Variants in SNX24 observed in about 807,000 individuals in gnomAD.
SNX24 encodes sorting nexin-24.
In SNX24, 22 loss-of-function variants were observed where a neutral mutation model predicts 28.7. That is an observed-to-expected ratio of 0.77 (90% CI 0.55 to 1.10). The LOEUF (loss-of-function observed/expected upper bound fraction) is 1.10. Among genes scored for constraint, SNX24 ranks in the 50% least tolerant of loss-of-function variants. The pLI is 0.00. For synonymous variants in SNX24, 69 were observed against 71.5 expected (o/e 0.96, Z 0.18); for missense variants, 221 against 201.1 (o/e 1.10, Z -0.60).
intron 3 of SNX24, among the ~76,000 whole-genome samples, chr5:122,975,473 T>C (rs1325343115): frequency 2.6e-5 from 4 of 152,178 alleles, no homozygotes; most frequent in Non-Finnish European, 5.9e-5. Flanking sequence ...TTCTCTACAT[T>C]GATAGGGATA....
intron 1 of SNX24, among the ~76,000 whole-genome samples, chr5:122,914,196 A>G (rs1758057943): frequency 1.3e-5 from 2 of 152,210 alleles, no homozygotes; most frequent in Admixed American, 6.5e-5. Flanking sequence ...CTGGATATAC[A>G]TTTATTGATT....
At chr5:122,928,948 A>G (rs1030172941) in intron 1 of SNX24, among the ~76,000 whole-genome samples, 4 of 151,402 alleles carry the variant, frequency 2.6e-5, no homozygotes, top group Admixed American at 6.6e-5. Context: ...TCTCTGTCCT[A>G]TTACCCTGGT....
intron 1 of SNX24, among the ~76,000 whole-genome samples, chr5:122,935,807 T>A (rs903152548): frequency 1.2e-4 from 18 of 152,212 alleles, no homozygotes; most frequent in African/African-American, 4.1e-4. Context: ...TCTCTACAGT[T>A]TTGTATTTTT....
At chr5:122,865,498 T>G (rs1384438657) in intron 1 of SNX24, among the ~76,000 whole-genome samples, 1 of 152,122 alleles carries the variant, frequency 6.6e-6, no homozygotes, top group African/African-American at 2.4e-5. Context: ...GCCCGGCTAA[T>G]TTTTGTATTT....
intron 1 of SNX24, among the ~76,000 whole-genome samples, chr5:122,872,212 T>A (rs1756011114): frequency 1.3e-5 from 2 of 151,568 alleles, no homozygotes; most frequent in Non-Finnish European, 1.5e-5. Flanking sequence ...AAAAGATCCC[T>A]GCAGCGCTTT....
intron 1 of SNX24, among the ~76,000 whole-genome samples, chr5:122,900,344 T>G (rs1561567483): frequency 6.6e-6 from 1 of 152,224 alleles, no homozygotes; most frequent in Non-Finnish European, 1.5e-5. Flanking sequence ...AGCAGCAATT[T>G]TTAAAATGTG....
chr5:122,852,913 A>G (rs551322449), intron 1 of SNX24, among the ~76,000 whole-genome samples: 1 of 152,174 alleles, frequency 6.6e-6, no homozygotes, highest in African/African-American at 2.4e-5. Context: ...CAGTGGGAGA[A>G]GGGCAGCAGG....
intron 3 of SNX24, among the ~76,000 whole-genome samples, chr5:122,976,871 C>G (rs942983912): frequency 3.3e-5 from 5 of 152,192 alleles, no homozygotes; most frequent in Non-Finnish European, 5.9e-5. Context: ...AGCATGGCAG[C>G]GGTTTGTTTG....
chr5:123,021,321 T>TATCA (rs1762759904), intron 5 of SNX24, among the ~76,000 whole-genome samples: 1 of 152,162 alleles, frequency 6.6e-6, no homozygotes. Flanking sequence ...TGATAATATT[T>TATCA]ATCAAGTGAG....
At chr5:122,975,011 C>A (rs573600505) in intron 3 of SNX24, among the ~76,000 whole-genome samples, 3 of 152,180 alleles carry the variant, frequency 2.0e-5, no homozygotes, top group African/African-American at 7.2e-5. Flanking sequence ...CCTCCGTAAG[C>A]CCCTACTTTA....
intron 6 of SNX24, among the ~76,000 whole-genome samples, chr5:123,002,683 G>A (rs1479864431): frequency 6.6e-6 from 1 of 152,208 alleles, no homozygotes; most frequent in Non-Finnish European, 1.5e-5. Flanking sequence ...CAGCATCTTT[G>A]ATGGCAAACT....
At chr5:122,979,192 A>AT (rs1259012755) in intron 3 of SNX24, among the ~76,000 whole-genome samples, 4 of 152,164 alleles carry the variant, frequency 2.6e-5, no homozygotes, top group Non-Finnish European at 5.9e-5. Flanking sequence ...TTAGGATTCA[A>AT]TTTTTTTGTT....
Position 122,883,866 on chromosome 5 carries a change from G to T in SNX24, c.60+38173G>T, listed in dbSNP as rs1214164667. ...AGATGGGTTCTCAATCTATTGCCCA[G>T]CTGGTATTGAACTCCTGGGCTCAAG... On this transcript the variant is annotated intron_variant, in intron 1 of 6. Transcript: ENST00000261369. Among the ~76,000 whole-genome samples, 4 of 151,984 alleles carry T rather than the reference G, an allele frequency of 2.6e-5. No homozygotes were observed. In the South Asian group the frequency reaches 6.2e-4, roughly 24 times the overall value.
chr5:123,006,345 T>TC (rs542742956), intron 6 of SNX24, among the ~76,000 whole-genome samples: 68 of 152,246 alleles, frequency 4.5e-4, no homozygotes, highest in African/African-American at 1.6e-3. Context: ...ACCCCTTCCC[T>TC]CACTAGCCAC....
At chr5:122,852,017 C>T (rs987658463) in intron 1 of SNX24, among the ~76,000 whole-genome samples, 3 of 151,580 alleles carry the variant, frequency 2.0e-5, no homozygotes, top group Non-Finnish European at 2.9e-5. Context: ...TAAACCCTGC[C>T]TTGGAATTAA....
chr5:122,880,403 A>G (rs1415037663), intron 1 of SNX24, among the ~76,000 whole-genome samples: 2 of 152,172 alleles, frequency 1.3e-5, no homozygotes, highest in East Asian at 3.9e-4. Context: ...AAACCTTGTA[A>G]AAGCTACTGC....
intron 3 of SNX24, among the ~76,000 whole-genome samples, chr5:122,951,019 G>A (rs1314299790): frequency 1.3e-5 from 2 of 152,064 alleles, no homozygotes; most frequent in Non-Finnish European, 2.9e-5. Context: ...TGTAATCCCA[G>A]CACTTTGGGA....
chr5:122,904,092 C>G (rs1302641880), intron 1 of SNX24, among the ~76,000 whole-genome samples: 2 of 151,922 alleles, frequency 1.3e-5, no homozygotes, highest in Non-Finnish European at 2.9e-5. Context: ...TTAAGTTTAA[C>G]ATCGTTTTAG....
chr5:122,999,998 A>G lies in SNX24; in HGVS notation c.336A>G (p.Glu112=), dbSNP rs774237956. 27 of 1,598,708 alleles carry G rather than the reference A, an allele frequency of 1.7e-5. No individual in the cohort carries two copies. The South Asian group carries it at 3.0e-4, about 18-fold the overall frequency. ...ACTTGCCCTCTCTACCAAAGGCAGA[A>G]AGTTGTGGGTAAGAATCATGTTTGC... The part of the protein sequence containing the change: ...VRHLPSLPKA[E]SCGSFDETES... The change falls in exon 4 of 7, where the codon GAA becomes GAG. Residue 112 remains glutamate, a synonymous_variant. Transcript: ENST00000261369.
Sources: gnomAD v4.1 joint callset for allele counts (sites outside exome capture counted in the v4.1 genomes callset) on GRCh38, gnomAD v4.1.1 for gene constraint, MANE v1.5 for transcripts, NCBI Gene and HGNC (gene_info 2026-07-23, HGNC 2026-07-21) for gene names.